The following AGPAT5 variants were observed in gnomAD, a reference collection of about 807,000 sequenced individuals.
AGPAT5 encodes the protein 1-acyl-sn-glycerol-3-phosphate acyltransferase epsilon.
Under a neutral mutation model 45.6 loss-of-function variants are expected in AGPAT5, and 46 were observed. The observed-to-expected ratio is 1.01, with a 90% confidence interval of 0.80 to 1.29. The LOEUF is 1.29. Among genes scored for constraint, AGPAT5 ranks in the 50% most tolerant of loss-of-function variants. AGPAT5 has a pLI of 0.00. For missense variants in AGPAT5, 673 were observed against 450.7 expected (o/e 1.49, Z -4.47); for synonymous variants, 272 against 167.0 (o/e 1.63, Z -4.85).
chr8:6,729,794 C>A (rs1296692407), intron 2 of AGPAT5, among the ~76,000 whole-genome samples: 1 of 152,166 alleles, frequency 6.6e-6, no homozygotes. Context: ...TCAATTCATA[C>A]CATCTTACCC....
intron 1 of AGPAT5, among the ~76,000 whole-genome samples, chr8:6,713,886 G>C (rs1467345028): frequency 6.6e-6 from 1 of 152,136 alleles, no homozygotes; most frequent in Non-Finnish European, 1.5e-5. Flanking sequence ...AACAGTCAAG[G>C]CTTTTTATCT....
At chr8:6,738,579 C>T (rs1801133948) in intron 4 of AGPAT5, 1 of 152,074 alleles carries the variant, frequency 6.6e-6, no homozygotes, top group East Asian at 1.9e-4. Flanking sequence ...AAAAATGGCA[C>T]CAATAGACTT....
At chr8:6,756,596 G>A (rs1449391204) in intron 7 of AGPAT5, among the ~76,000 whole-genome samples, 1 of 129,762 alleles carries the variant, frequency 7.7e-6, no homozygotes, top group Non-Finnish European at 1.6e-5. Flanking sequence ...CCTGGTAACA[G>A]AGTGCCTTTT....
intron 4 of AGPAT5, among the ~76,000 whole-genome samples, chr8:6,733,041 T>C (rs571876870): frequency 6.6e-5 from 10 of 152,204 alleles, no homozygotes; most frequent in Non-Finnish European, 1.5e-4. Context: ...AGTGCAAATT[T>C]TGAATGTCTT....
At chr8:6,709,109 G>C in intron 1 of AGPAT5, 1 of 605,036 alleles carries the variant, frequency 1.7e-6, no homozygotes, top group Non-Finnish European at 3.0e-6. Context: ...GCTACGAGTG[G>C]GACCCGCCGC....
At chr8:6,732,905 G>A (rs1022876117) in intron 4 of AGPAT5, among the ~76,000 whole-genome samples, 7 of 152,260 alleles carry the variant, frequency 4.6e-5, no homozygotes, top group African/African-American at 1.4e-4. Flanking sequence ...ATTTGGTGTC[G>A]TTCAGAGTCT....
At position 6,757,664 on chromosome 8, in the gene AGPAT5, G is replaced by A. The variant is rs1019644979; in HGVS notation, c.*276G>A. 63 of 301,982 alleles carry A rather than the reference G, an allele frequency of 2.1e-4. No homozygotes were observed. Among genetic ancestry groups the A allele is most frequent in the African/African-American group, 1.2e-3 (55 of 46,746 alleles). 18.7% of individuals were successfully genotyped at this position (301,982 alleles called of 1,614,324 possible). ...TTCCTATGAACTAATGACAACTTGA[G>A]AAGGCTGGGAGGATTGTGTATTTTG... On this transcript the variant is annotated 3_prime_UTR_variant, in exon 8 of 8. Coordinates refer to ENST00000285518, the MANE Select transcript of AGPAT5 (RefSeq NM_018361.5).
chr8:6,719,452 C>T (rs1800430837), intron 1 of AGPAT5, among the ~76,000 whole-genome samples: 1 of 152,182 alleles, frequency 6.6e-6, no homozygotes, highest in Non-Finnish European at 1.5e-5. Context: ...TCACAATTCC[C>T]ACCCGGAACA....
chr8:6,755,227 G>A, intron 7 of AGPAT5, 53 bp downstream of exon 7: 2 of 1,552,910 alleles, frequency 1.3e-6, no homozygotes, highest in Non-Finnish European at 1.7e-6. Context: ...CTAGATTTCA[G>A]TATAGTCAAC....
chr8:6,741,358 G>A (rs1459480504), intron 4 of AGPAT5, among the ~76,000 whole-genome samples: 6 of 152,044 alleles, frequency 3.9e-5, no homozygotes, highest in Admixed American at 6.5e-5. Context: ...ATGAGTCAGC[G>A]TTTCATGGCC....
At chr8:6,743,161 G>C (rs73508251) in intron 5 of AGPAT5, among the ~76,000 whole-genome samples, 3,509 of 152,192 alleles carry the variant, frequency 0.023, 134 homozygotes, top group African/African-American at 0.08. Flanking sequence ...CTCCTTTCCA[G>C]CCTCTTTCTG....
Position 6,711,651 on chromosome 8 carries a change from G to C in AGPAT5, c.219+2764G>C, listed in dbSNP as rs1003301727. 1.2e-4 allele frequency among the ~76,000 whole-genome samples: 18 copies of C among 152,254 alleles called. 1 individual carries two copies. The South Asian group carries it at 3.5e-3, about 30-fold the overall frequency. ...TCAAACTAAGCGGCTTAAAATAATAGAACTTAAGTTCTCGTGATTCTGGAG... is the reference window on the plus strand; with the variant it reads ...TCAAACTAAGCGGCTTAAAATAATACAACTTAAGTTCTCGTGATTCTGGAG... On this transcript the variant is annotated intron_variant, in intron 1 of 7. Coordinates refer to ENST00000285518, the MANE Select transcript of AGPAT5 (RefSeq NM_018361.5).
At position 6,758,753 on chromosome 8, in the gene AGPAT5, A is replaced by T. The variant is rs192813447; in HGVS notation, c.*1365A>T. 7.2e-5 allele frequency: 11 copies of T among 152,752 alleles called. No individual in the cohort carries two copies. The highest frequency in any genetic ancestry group is 2.6e-4 in the African/African-American group (11 of 41,582). The allele number at this position is 152,752 out of a possible 1,614,324, so 9.5% of individuals were successfully genotyped here. A position where few individuals can be genotyped will look rare whatever the true frequency, so the allele number is the denominator to read the frequency against. On this transcript the variant is annotated 3_prime_UTR_variant, in exon 8 of 8. Coordinates refer to ENST00000285518, the MANE Select transcript of AGPAT5 (RefSeq NM_018361.5). ...GCCATGGAACAATATATCCCATGGG[A>T]GAAGACCTTTCAGTGTGAACTGTTC... is the stretch of plus-strand genomic sequence containing the variant.
chr8:6,755,876 A>G (rs1801816650), intron 7 of AGPAT5, among the ~76,000 whole-genome samples: 1 of 152,134 alleles, frequency 6.6e-6, no homozygotes, highest in Admixed American at 6.5e-5. Context: ...TTGACTCTTA[A>G]CTGTACATGA....
chr8:6,750,115 G>C (rs1801611118), intron 6 of AGPAT5, among the ~76,000 whole-genome samples: 1 of 152,234 alleles, frequency 6.6e-6, no homozygotes, highest in African/African-American at 2.4e-5. Flanking sequence ...TTCTCCCACA[G>C]TGACAGGCGG....
At chr8:6,709,459 T>G (rs1800066341) in intron 1 of AGPAT5, 1 of 153,426 alleles carries the variant, frequency 6.5e-6, no homozygotes. Context: ...ATTACTTTCT[T>G]TCTGTTACTG....
At chr8:6,725,185 GC>G (rs1342953246) in intron 2 of AGPAT5, among the ~76,000 whole-genome samples, 1 of 152,134 alleles carries the variant, frequency 6.6e-6, no homozygotes, top group African/African-American at 2.4e-5. Flanking sequence ...TTACTTGCTT[GC>G]TTTGTTTTTC....
At chr8:6,724,766 G>A (rs1015933993) in intron 1 of AGPAT5, 104 bp from the exon 2 acceptor site, 2 of 378,242 alleles carry the variant, frequency 5.3e-6, no homozygotes, top group Non-Finnish European at 9.8e-6. Flanking sequence ...ATCATGGATG[G>A]AAATATTCAC....
chr8:6,733,810 A>AG lies in AGPAT5; in HGVS notation c.495+1161dup, dbSNP rs1263626179. Among the ~76,000 whole-genome samples, 8 of 152,172 alleles carry AG rather than the reference A, an allele frequency of 5.3e-5. No homozygotes were observed. The East Asian group carries it at 1.3e-3, about 26-fold the overall frequency. ...CCCCAGCAATGGATGACTGCTGTGGAGTTCCTTCTGTGTCCTGCTGTGGGC... is the reference window on the plus strand; with the variant it reads ...CCCCAGCAATGGATGACTGCTGTGGAGGTTCCTTCTGTGTCCTGCTGTGGGC... On this transcript the variant is annotated intron_variant, in intron 4 of 7. Coordinates refer to ENST00000285518, the MANE Select transcript of AGPAT5 (RefSeq NM_018361.5).
Sources: allele counts gnomAD v4.1 joint callset (sites outside exome capture counted in the v4.1 genomes callset), GRCh38; gene constraint gnomAD v4.1.1; transcripts MANE v1.5; gene names NCBI Gene and HGNC (gene_info 2026-07-23, HGNC 2026-07-21).